The following TSEN54 variants were observed in gnomAD, a reference collection of about 807,000 sequenced individuals.
TSEN54 encodes the protein tRNA splicing endonuclease subunit 54, also known as tRNA-splicing endonuclease subunit Sen54.
In TSEN54, 55 loss-of-function variants were observed where a neutral mutation model predicts 61.9. That is an observed-to-expected ratio of 0.89 (90% CI 0.72 to 1.11). The LOEUF is 1.11. TSEN54 is among the 50% of genes most tolerant of loss of function. TSEN54 has a pLI of 0.00. For missense variants in TSEN54, 760 were observed against 687.7 expected (o/e 1.11, Z -1.18); for synonymous variants, 304 against 288.7 (o/e 1.05, Z -0.54).
Position 75,521,753 on chromosome 17 carries a change from G to A in TSEN54, c.672G>A (p.Lys224=). ...AKALDNSLQP[K]SLAASSPPPC... is the part of the protein sequence containing the mutation. ...CCCTGGACAACTCCCTGCAACCCAA[G>A]AGTCTGGCAGCCTCCAGCCCACCTC... The change falls in exon 8 of 11, where the codon AAG becomes AAA. Residue 224 remains lysine, a synonymous_variant. Transcript: ENST00000333213. 6.2e-7 allele frequency: 1 copy of A among 1,612,958 alleles called. No individual in the cohort carries two copies. The highest frequency in any genetic ancestry group is 8.5e-7 in the Non-Finnish European group (1 of 1,179,982).
intron 6 of TSEN54, among the ~76,000 whole-genome samples, chr17:75,519,627 A>G (rs995196898): frequency 2.6e-5 from 4 of 152,186 alleles, no homozygotes; most frequent in African/African-American, 9.7e-5. Flanking sequence ...CAGTGGCATG[A>G]TCTCAGCTTA....
intron 9 of TSEN54, 112 bp from the exon 10 acceptor site, chr17:75,523,551 A>C: frequency 6.2e-7 from 1 of 1,611,960 alleles, no homozygotes; most frequent in Non-Finnish European, 8.5e-7. Context: ...CCAACCCTCA[A>C]GTGGCACCTC....
chr17:75,517,072 G>A lies in TSEN54; in HGVS notation c.285G>A (p.Ala95=). 1 of 1,594,364 alleles carries A rather than the reference G, an allele frequency of 6.3e-7. No homozygotes were observed. Among genetic ancestry groups the A allele is most frequent in the Non-Finnish European group, 8.5e-7 (1 of 1,171,362 alleles). Residue 95 remains alanine, a splice_region_variant and synonymous_variant, in exon 3 of 11, where the codon GCG becomes GCA. Transcript: ENST00000333213. ...EEGFVELKSP[A]GKFWQTMGFS... Reference sequence around the variant, plus strand: ...GCTTCGTGGAGTTGAAGTCTCCCGCGGTGAGCGGCGGGCTCGGGGACCGGG... The same window carrying A: ...GCTTCGTGGAGTTGAAGTCTCCCGCAGTGAGCGGCGGGCTCGGGGACCGGG...
chr17:75,524,411 G>A lies in TSEN54; in HGVS notation c.1580G>A (p.Ter527=). The change falls in exon 11 of 11, where the codon TGA becomes TAA. Residue 527 remains the stop codon, a stop_retained_variant. Transcript: ENST00000333213. ...DFTLPQDVGH[*] is the part of the protein sequence containing the mutation. The stretch of plus-strand genomic sequence containing the variant: ...ACGTTGCCCCAGGATGTGGGGCACT[G>A]ACCTCACAGCTCTGCAGAGGATGGA... 3.1e-6 allele frequency: 5 copies of A among 1,614,070 alleles called. No homozygotes were observed. The highest frequency in any genetic ancestry group is 4.2e-6 in the Non-Finnish European group (5 of 1,180,020).
In TSEN54 at chr17:75,518,595, A is replaced by G. The variant is rs9897749; in HGVS notation, c.469-400A>G. Reference sequence around the variant, plus strand: ...TGTGGCTCCCTACCAGAAACTTCCCACCGGCATCTGTGGAGGTGTGGGGCT... The same window carrying G: ...TGTGGCTCCCTACCAGAAACTTCCCGCCGGCATCTGTGGAGGTGTGGGGCT... On this transcript the variant is annotated intron_variant, in intron 5 of 10. Transcript: ENST00000333213. 10,129 of 985,348 alleles carry G rather than the reference A, an allele frequency of 0.01. 816 individuals are homozygous for G. The African/African-American group carries it at 0.16, about 16-fold the overall frequency. 61.0% of individuals were successfully genotyped at this position (985,348 alleles called of 1,614,324 possible). A position where few individuals can be genotyped will look rare whatever the true frequency, so the allele number is the denominator to read the frequency against.
chr17:75,518,410 G>C (rs921851926), intron 5 of TSEN54: 1 of 448,152 alleles, frequency 2.2e-6, no homozygotes, highest in African/African-American at 2.2e-5. Context: ...GGAGTGTCTG[G>C]TGATGCAGGA....
intron 5 of TSEN54, 69 bp from the exon 6 acceptor site, chr17:75,518,926 G>A (rs1341636219): frequency 1.2e-6 from 2 of 1,607,256 alleles, no homozygotes; most frequent in Non-Finnish European, 1.7e-6. Context: ...GATGGCCTGT[G>A]TCTGGAGAAA....
At chr17:75,523,862 G>A in intron 10 of TSEN54, 83 bp downstream of exon 10, 1 of 1,463,572 alleles carries the variant, frequency 6.8e-7, no homozygotes, top group Non-Finnish European at 9.4e-7. Flanking sequence ...GTACTCCCCT[G>A]GCCAGCGTGC....
intron 8 of TSEN54, 156 bp downstream of exon 8, chr17:75,522,489 G>A (rs1399868749): frequency 4.0e-6 from 6 of 1,493,222 alleles, no homozygotes; most frequent in East Asian, 5.0e-5. Flanking sequence ...TCCGGCGGCT[G>A]CAGCAGGGCC....
At position 75,521,756 on chromosome 17, in the gene TSEN54, T is replaced by G; in HGVS notation, c.675T>G (p.Ser225Arg). 1 of 1,612,376 alleles carries G rather than the reference T, an allele frequency of 6.2e-7. No individual in the cohort carries two copies. Among genetic ancestry groups the G allele is most frequent in the Non-Finnish European group, 8.5e-7 (1 of 1,179,852 alleles). The change falls in exon 8 of 11, where the codon AGT becomes AGG. Residue 225 changes from serine to arginine, a missense_variant. This residue lies in a region of TSEN54 where 667 missense variants were observed against 577.8 expected (regional missense o/e 1.15). Coordinates refer to ENST00000333213, the MANE Select transcript of TSEN54 (RefSeq NM_207346.3). ...KALDNSLQPKSLAASSPPPCS... is the reference protein window; with the variant it reads ...KALDNSLQPKRLAASSPPPCS... The stretch of plus-strand genomic sequence containing the variant: ...TGGACAACTCCCTGCAACCCAAGAG[T>G]CTGGCAGCCTCCAGCCCACCTCCCT...
In TSEN54 at chr17:75,524,570, C is replaced by T; in HGVS notation, c.*158C>T. ...GGTGTCTGATACTCACAGAGTGAAA[C>T]TGTGACCCTCTCCCTTCCCTGCTGC... is the stretch of plus-strand genomic sequence containing the variant. On this transcript the variant is annotated 3_prime_UTR_variant, in exon 11 of 11. Coordinates refer to ENST00000333213, the MANE Select transcript of TSEN54 (RefSeq NM_207346.3). 1 of 909,074 alleles carries T rather than the reference C, an allele frequency of 1.1e-6. No homozygotes were observed. Among genetic ancestry groups the T allele is most frequent in the Non-Finnish European group, 1.8e-6 (1 of 566,882 alleles). 56.3% of individuals were successfully genotyped at this position (909,074 alleles called of 1,614,324 possible). A position where few individuals can be genotyped will look rare whatever the true frequency, so the allele number is the denominator to read the frequency against.
At chr17:75,517,456 C>G (rs879796340) in intron 4 of TSEN54, 101 bp from the exon 5 acceptor site, 24 of 1,234,140 alleles carry the variant, frequency 1.9e-5, no homozygotes, top group Non-Finnish European at 2.9e-5. Flanking sequence ...TGATGCGCTG[C>G]TGAGAGGGGG....
At chr17:75,518,192 A>G (rs1334555983) in intron 5 of TSEN54, among the ~76,000 whole-genome samples, 1 of 152,238 alleles carries the variant, frequency 6.6e-6, no homozygotes, top group South Asian at 2.1e-4. Flanking sequence ...TGGACATCCA[A>G]GTGAGTGTAA....
intron 5 of TSEN54, chr17:75,518,450 A>C (rs2053395977): frequency 1.1e-6 from 1 of 903,508 alleles, no homozygotes; most frequent in Non-Finnish European, 1.3e-6. Flanking sequence ...ACAGAAGCCA[A>C]AAGAAGGTCT....
At chr17:75,521,232 TG>T in intron 6 of TSEN54, 176 bp from the exon 7 acceptor site, 1 of 644,086 alleles carries the variant, frequency 1.6e-6, no homozygotes, top group South Asian at 1.7e-5. Flanking sequence ...GGCACATGGC[TG>T]GGCCCCCTGG....
rs568422576 is a variant in TSEN54 at position 75,520,413 on chromosome 17, A to G, written c.522-996A>G. 2.7e-3 allele frequency among the ~76,000 whole-genome samples: 343 copies of G among 126,988 alleles called. 1 individual carries two copies. The highest frequency in any genetic ancestry group is 5.1e-3 in the Non-Finnish European group (305 of 60,136). 83.3% of individuals were successfully genotyped at this position (126,988 alleles called of 152,430 possible). ...GGTGAAACCCTGTCTCTACTAAAATACCAAAAAAAAAAAAAAAAAAAAATC... is the reference window on the plus strand; with the variant it reads ...GGTGAAACCCTGTCTCTACTAAAATGCCAAAAAAAAAAAAAAAAAAAAATC... On this transcript the variant is annotated intron_variant, in intron 6 of 10. Coordinates refer to ENST00000333213, the MANE Select transcript of TSEN54 (RefSeq NM_207346.3).
Position 75,523,275 on chromosome 17 carries a change from C to T in TSEN54, c.1253C>T (p.Ala418Val). Reference sequence around the variant, plus strand: ...TACCTTGTTTTCTGTGTCCTTGTAGCCGTGGTCCTTCAGCATATCTCTGTG... The same window carrying T: ...TACCTTGTTTTCTGTGTCCTTGTAGTCGTGGTCCTTCAGCATATCTCTGTG... ...LLSPGQASSP[A>V]VVLQHISVLQ... The change falls in exon 9 of 11, where the codon GCC becomes GTC. Residue 418 changes from alanine to valine, a missense_variant and splice_region_variant. Coordinates refer to ENST00000333213, the MANE Select transcript of TSEN54 (RefSeq NM_207346.3). 4.3e-6 allele frequency: 7 copies of T among 1,614,114 alleles called. No homozygotes were observed. The highest frequency in any genetic ancestry group is 5.1e-6 in the Non-Finnish European group (6 of 1,180,004).
chr17:75,517,741 T>G, intron 5 of TSEN54, 86 bp downstream of exon 5: 2 of 1,179,670 alleles, frequency 1.7e-6, no homozygotes, highest in South Asian at 1.2e-5. Context: ...CCAGGCACAG[T>G]GTCACATGCT....
chr17:75,517,424 C>CT, intron 4 of TSEN54, 133 bp from the exon 5 acceptor site: 3 of 1,160,766 alleles, frequency 2.6e-6, no homozygotes, highest in Non-Finnish European at 3.9e-6. Flanking sequence ...TGCTGCCCCA[C>CT]TTTCCTGGTT....
Sources: allele counts gnomAD v4.1 joint callset (sites outside exome capture counted in the v4.1 genomes callset), GRCh38; gene constraint gnomAD v4.1.1; regional missense constraint gnomAD v4.1.1; transcripts MANE v1.5; gene names NCBI Gene and HGNC (gene_info 2026-07-23, HGNC 2026-07-21).